VPS13B: variants seen among roughly 807,000 people sequenced by gnomAD.
VPS13B encodes the protein vacuolar protein sorting 13 homolog B, also known as intermembrane lipid transfer protein VPS13B.
Under a neutral mutation model 426.4 loss-of-function variants are expected in VPS13B, and 285 were observed. That is an observed-to-expected ratio of 0.67 (90% confidence interval 0.61 to 0.74). The LOEUF is 0.74. VPS13B is among the 30% of genes least tolerant of loss of function. VPS13B has a pLI of 0.00. For synonymous variants in VPS13B, 1,676 were observed against 1,676.4 expected (o/e 1.00, Z 0.01); for missense variants, 4,537 against 4,782.6 (o/e 0.95, Z 1.51).
At chr8:99,727,581 G>A (rs779542610) in intron 39 of VPS13B, among the ~76,000 whole-genome samples, 12 of 152,108 alleles carry the variant, frequency 7.9e-5, no homozygotes, top group Admixed American at 1.3e-4. Flanking sequence ...GCAAAGAAAC[G>A]CCTGTATTTA....
At position 99,854,099 on chromosome 8, in the gene VPS13B, G is replaced by T. The variant is rs753058180; in HGVS notation, c.10710G>T (p.Leu3570Phe). ...AACTGGTGATCCAGCCAGTAAATTT[G>T]CTCGTCAGCATCCACGCTTCCCTCA... is the stretch of plus-strand genomic sequence containing the variant. ...LRKLVIQPVNLLVSIHASLKL... is the reference protein window; with the variant it reads ...LRKLVIQPVNFLVSIHASLKL... Residue 3570 changes from leucine to phenylalanine, a missense_variant, in exon 56 of 62, where the codon TTG becomes TTT. By Grantham distance (22) the Leu-to-Phe change is conservative. This residue lies in a region of VPS13B where 4,311 missense variants were observed against 4,474.3 expected (regional missense o/e 0.96). Transcript: ENST00000357162. 10 of 1,612,624 alleles carry T rather than the reference G, an allele frequency of 6.2e-6. No individual in the cohort carries two copies. The Admixed American group carries it at 1.5e-4, about 24-fold the overall frequency.
intron 17 of VPS13B, among the ~76,000 whole-genome samples, chr8:99,230,218 G>C (rs1294687179): frequency 6.6e-6 from 1 of 152,022 alleles, no homozygotes; most frequent in Non-Finnish European, 1.5e-5. Context: ...TAAATAAAAT[G>C]CTTGTGTAGG....
At chr8:99,424,291 A>G (rs1202935104) in intron 21 of VPS13B, 1 of 150,682 alleles carries the variant, frequency 6.6e-6, no homozygotes, top group African/African-American at 2.4e-5. Context: ...CTTTATTTTG[A>G]GCCTATGTAT....
At chr8:99,609,801 G>A (rs1489238882) in intron 33 of VPS13B, among the ~76,000 whole-genome samples, 1 of 152,188 alleles carries the variant, frequency 6.6e-6, no homozygotes, top group Non-Finnish European at 1.5e-5. Context: ...GCAAGTGTAT[G>A]GTCAGAAGGA....
intron 3 of VPS13B, among the ~76,000 whole-genome samples, chr8:99,066,282 T>A (rs985193189): frequency 1.3e-5 from 2 of 152,224 alleles, no homozygotes; most frequent in African/African-American, 2.4e-5. Context: ...CAAAACAGCA[T>A]GGTACTGGTA....
chr8:99,178,910 C>T (rs1411749121), intron 16 of VPS13B, among the ~76,000 whole-genome samples: 1 of 152,184 alleles, frequency 6.6e-6, no homozygotes, highest in Non-Finnish European at 1.5e-5. Context: ...GTGTGAGCCA[C>T]TGCGCCCGCC....
At chr8:99,329,380 T>G (rs1481997382) in intron 19 of VPS13B, among the ~76,000 whole-genome samples, 2 of 152,110 alleles carry the variant, frequency 1.3e-5, no homozygotes, top group African/African-American at 4.8e-5. Flanking sequence ...TTTGAAAAGA[T>G]ACATTTTTAA....
intron 22 of VPS13B, among the ~76,000 whole-genome samples, chr8:99,440,072 C>A (rs1817605859): frequency 6.6e-6 from 1 of 152,072 alleles, no homozygotes; most frequent in Non-Finnish European, 1.5e-5. Context: ...GAGGTGGTTC[C>A]ACTTCAAGAA....
intron 19 of VPS13B, among the ~76,000 whole-genome samples, chr8:99,300,276 T>G (rs867716628): frequency 1.3e-5 from 2 of 152,196 alleles, no homozygotes; most frequent in South Asian, 4.1e-4. Flanking sequence ...ATCTCTGCTT[T>G]TTGCTATGTT....
At chr8:99,817,191 T>G (rs551302015) in intron 44 of VPS13B, among the ~76,000 whole-genome samples, 30 of 151,910 alleles carry the variant, frequency 2.0e-4, no homozygotes, top group African/African-American at 7.2e-4. Flanking sequence ...GGTTTGAGCT[T>G]CTACCCTCTC....
chr8:99,705,457 T>C (rs1333824262), intron 36 of VPS13B, among the ~76,000 whole-genome samples: 2 of 152,148 alleles, frequency 1.3e-5, no homozygotes, highest in African/African-American at 4.8e-5. Context: ...GCTGTAACTG[T>C]TATATGATTA....
chr8:99,253,910 AT>A (rs1157691404), intron 17 of VPS13B, among the ~76,000 whole-genome samples: 7 of 152,150 alleles, frequency 4.6e-5, no homozygotes, highest in Admixed American at 3.3e-4. Flanking sequence ...CTTTTTAATG[AT>A]TGTTTTAGGT....
At chr8:99,617,949 C>A (rs569753319) in intron 33 of VPS13B, among the ~76,000 whole-genome samples, 2 of 149,778 alleles carry the variant, frequency 1.3e-5, no homozygotes, top group South Asian at 4.2e-4. Context: ...CACTCATGAT[C>A]TCTCAGCTGT....
At chr8:99,503,720 T>A (rs1821352939) in intron 27 of VPS13B, among the ~76,000 whole-genome samples, 2 of 152,190 alleles carry the variant, frequency 1.3e-5, no homozygotes, top group Admixed American at 1.3e-4. Context: ...TTCAGCCCCA[T>A]CTTTAGGCTC....
At chr8:99,716,995 A>G (rs1438829640) in intron 36 of VPS13B, among the ~76,000 whole-genome samples, 176 bp from the exon 37 acceptor site, 2 of 152,234 alleles carry the variant, frequency 1.3e-5, no homozygotes, top group Admixed American at 6.5e-5. Context: ...AATGAGGTAT[A>G]CCTGCTTCAT....
chr8:99,317,704 G>GAAA (rs369267624), intron 19 of VPS13B, among the ~76,000 whole-genome samples: 53 of 151,892 alleles, frequency 3.5e-4, no homozygotes, highest in African/African-American at 1.3e-3. Context: ...AAAATATCTT[G>GAAA]AATAATAATA....
At chr8:99,471,443 T>C (rs1011228300) in intron 24 of VPS13B, among the ~76,000 whole-genome samples, 2 of 152,096 alleles carry the variant, frequency 1.3e-5, no homozygotes, top group African/African-American at 2.4e-5. Context: ...ATATAAACTC[T>C]TAAGTAGACC....
intron 25 of VPS13B, among the ~76,000 whole-genome samples, chr8:99,497,812 A>G (rs948893256): frequency 2.0e-5 from 3 of 152,130 alleles, no homozygotes; most frequent in Admixed American, 1.3e-4. Context: ...CTCAATTGCT[A>G]TTTTTAAAAT....
intron 17 of VPS13B, among the ~76,000 whole-genome samples, chr8:99,247,958 G>A (rs572153629): frequency 3.9e-5 from 6 of 152,150 alleles, no homozygotes; most frequent in African/African-American, 7.2e-5. Flanking sequence ...GGAGGAAAAC[G>A]GAATAGGTTA....
Sources: allele counts gnomAD v4.1 joint callset (sites outside exome capture counted in the v4.1 genomes callset), GRCh38; gene constraint gnomAD v4.1.1; regional missense constraint gnomAD v4.1.1; transcripts MANE v1.5; gene names NCBI Gene and HGNC (gene_info 2026-07-23, HGNC 2026-07-21).